PRELID2: variants seen among roughly 807,000 people sequenced by gnomAD.
The protein encoded by PRELID2 is PRELI domain containing 2.
In PRELID2, 25 loss-of-function variants were observed where a neutral mutation model predicts 28.4. The ratio of observed to expected loss-of-function variants is 0.88; its 90% CI spans 0.64 to 1.23. The LOEUF is 1.23. PRELID2 is among the 50% of genes most tolerant of loss of function. The pLI is 0.00. For missense variants in PRELID2, 201 were observed against 214.4 expected (o/e 0.94, Z 0.39); for synonymous variants, 76 against 71.6 (o/e 1.06, Z -0.31).
At chr5:145,286,700 TTG>T in the PRELID2 span, among the ~76,000 whole-genome samples, 977 of 111,378 alleles carry the variant, frequency 8.8e-3, 14 homozygotes, top group East Asian at 0.043. Flanking sequence ...ATAGAAGTTT[TTG>T]TTTTTTTTTG....
At chr5:145,242,397 G>T in the PRELID2 span, among the ~76,000 whole-genome samples, 1 of 151,904 alleles carries the variant, frequency 6.6e-6, no homozygotes, top group Non-Finnish European at 1.5e-5. Flanking sequence ...CCTTACATTT[G>T]CATCATGCTC....
At chr5:145,705,717 G>A (rs1419532416) in intron 1 of PRELID2, among the ~76,000 whole-genome samples, 2 of 152,104 alleles carry the variant, frequency 1.3e-5, no homozygotes, top group African/African-American at 4.8e-5. Flanking sequence ...TTTTACTGTT[G>A]TTTTGAGGAA....
At chr5:145,580,545 G>C (rs1299331450) in intron 1 of PRELID2, among the ~76,000 whole-genome samples, 1 of 152,014 alleles carries the variant, frequency 6.6e-6, no homozygotes, top group Non-Finnish European at 1.5e-5. Context: ...GCTGAGTTGA[G>C]TAGAGCCATA....
intron 1 of PRELID2, among the ~76,000 whole-genome samples, chr5:145,620,439 G>T (rs1411198052): frequency 6.6e-6 from 1 of 152,216 alleles, no homozygotes; most frequent in East Asian, 1.9e-4. Flanking sequence ...CCAACTGTTA[G>T]AAAGGTAGCA....
the PRELID2 span, among the ~76,000 whole-genome samples, chr5:145,399,849 T>G: frequency 6.6e-6 from 1 of 152,124 alleles, no homozygotes; most frequent in Non-Finnish European, 1.5e-5. Context: ...AGAGAGAGAT[T>G]GTTCAGGGAA....
chr5:145,401,891 G>T, the PRELID2 span, among the ~76,000 whole-genome samples: 1 of 152,198 alleles, frequency 6.6e-6, no homozygotes, highest in Non-Finnish European at 1.5e-5. Flanking sequence ...TCGCTACTTC[G>T]AACACTATTT....
the PRELID2 span, among the ~76,000 whole-genome samples, chr5:145,282,185 T>C: frequency 6.6e-6 from 1 of 152,214 alleles, no homozygotes; most frequent in Non-Finnish European, 1.5e-5. Flanking sequence ...ATAATAATAC[T>C]CATTTTTATG....
At chr5:145,338,739 T>C in the PRELID2 span, among the ~76,000 whole-genome samples, 6 of 152,342 alleles carry the variant, frequency 3.9e-5, no homozygotes, top group African/African-American at 1.4e-4. Flanking sequence ...ATAGTGAGAA[T>C]TATTCTCAAA....
chr5:145,806,162 G>A (rs1753492572), intron 4 of PRELID2, among the ~76,000 whole-genome samples: 1 of 151,870 alleles, frequency 6.6e-6, no homozygotes, highest in South Asian at 2.1e-4. Context: ...TTAGATTATT[G>A]TAACTTTTCT....
chr5:145,246,601 A>G, the PRELID2 span, among the ~76,000 whole-genome samples: 1 of 152,104 alleles, frequency 6.6e-6, no homozygotes, highest in African/African-American at 2.4e-5. Context: ...TCTTGTGATA[A>G]AAGCCTATGC....
intron 1 of PRELID2, among the ~76,000 whole-genome samples, chr5:145,496,154 G>A (rs1752307896): frequency 6.6e-6 from 1 of 152,092 alleles, no homozygotes; most frequent in Non-Finnish European, 1.5e-5. Flanking sequence ...CTTTATAGGA[G>A]CTTACATGCA....
chr5:145,292,307 A>G, the PRELID2 span, among the ~76,000 whole-genome samples: 1 of 152,180 alleles, frequency 6.6e-6, no homozygotes, highest in African/African-American at 2.4e-5. Context: ...ACTAAACAAG[A>G]CAAGAGAGGG....
intron 1 of PRELID2, among the ~76,000 whole-genome samples, chr5:145,750,358 T>A (rs1757095120): frequency 6.6e-6 from 1 of 151,672 alleles, no homozygotes; most frequent in Non-Finnish European, 1.5e-5. Flanking sequence ...GAAAATGAAA[T>A]CCAAACAGCT....
At position 145,615,619 on chromosome 5, in the gene PRELID2, C is replaced by T. The variant is rs2149648199; in HGVS notation, n.71-142304G>A. Among the ~76,000 whole-genome samples, 2 of 116,326 alleles carry T rather than the reference C, an allele frequency of 1.7e-5. 1 individual carries two copies. The highest frequency in any genetic ancestry group is 2.1e-4 in the Admixed American group (2 of 9,638). 76.3% of individuals were successfully genotyped at this position (116,326 alleles called of 152,430 possible). On this transcript the variant is annotated intron_variant and non_coding_transcript_variant, in intron 1 of 2. Coordinates refer to the PRELID2 transcript ENST00000510259. Reference sequence around the variant, plus strand: ...GGGATTACAGGCGTGAGCCACCGCGCCCAGCCGTGAGTCTCTTATAGGTGG... The same window carrying T: ...GGGATTACAGGCGTGAGCCACCGCGTCCAGCCGTGAGTCTCTTATAGGTGG...
At chr5:145,340,454 A>C in the PRELID2 span, among the ~76,000 whole-genome samples, 3 of 152,116 alleles carry the variant, frequency 2.0e-5, no homozygotes, top group African/African-American at 7.2e-5. Context: ...CACCCATGCA[A>C]GCCACCTGAA....
the PRELID2 span, among the ~76,000 whole-genome samples, chr5:145,436,513 C>A: frequency 1.2e-4 from 19 of 152,284 alleles, 1 homozygote; most frequent in African/African-American, 4.1e-4. Flanking sequence ...AAGCAGCTTT[C>A]CACAATGGCT....
At chr5:145,725,929 T>G (rs1364032624) in intron 1 of PRELID2, among the ~76,000 whole-genome samples, 1 of 152,160 alleles carries the variant, frequency 6.6e-6, no homozygotes, top group Non-Finnish European at 1.5e-5. Flanking sequence ...ATGCCTGTAA[T>G]TCCAGCACTT....
At chr5:145,424,013 A>T in the PRELID2 span, among the ~76,000 whole-genome samples, 3 of 151,222 alleles carry the variant, frequency 2.0e-5, no homozygotes, top group African/African-American at 7.3e-5. Context: ...TGTCAGTGTG[A>T]CCCTGCTGGG....
In PRELID2 at chr5:145,757,466, GT is replaced by G. The variant is rs1301482706; in HGVS notation, c.*3069del. On this transcript the variant is annotated 3_prime_UTR_variant, in exon 7 of 7. Coordinates refer to ENST00000683046, the MANE Select transcript of PRELID2 (RefSeq NM_205846.3). ...ACATGTGAAGTCTGAGAATCACAGG[GT>G]AAATCATCGCCTTGAAGACAGGAGG... Among the ~76,000 whole-genome samples the G allele has an allele frequency of 6.6e-6, 1 of 152,166 alleles. No homozygotes were observed. Among genetic ancestry groups the G allele is most frequent in the African/African-American group, 2.4e-5 (1 of 41,440 alleles).
Sources: allele counts gnomAD v4.1 joint callset (sites outside exome capture counted in the v4.1 genomes callset), GRCh38; gene constraint gnomAD v4.1.1; transcripts MANE v1.5; gene names NCBI Gene and HGNC (gene_info 2026-07-23, HGNC 2026-07-21).